The following ADAMTS3 variants were observed in gnomAD, a reference collection of about 807,000 sequenced individuals.
ADAMTS3 encodes ADAM metallopeptidase with thrombospondin type 1 motif 3, also known as A disintegrin and metalloproteinase with thrombospondin motifs 3.
Under a neutral mutation model 129.0 loss-of-function variants are expected in ADAMTS3, and 73 were observed. That is an observed-to-expected ratio of 0.57 (90% confidence interval 0.47 to 0.69). ADAMTS3 has a LOEUF of 0.69. Among genes scored for constraint, ADAMTS3 ranks in the 30% least tolerant of loss-of-function variants. ADAMTS3 has a pLI of 0.00. For missense variants in ADAMTS3, 1,457 were observed against 1,514.5 expected (o/e 0.96, Z 0.63); for synonymous variants, 477 against 510.8 (o/e 0.93, Z 0.89).
intron 4 of ADAMTS3, among the ~76,000 whole-genome samples, chr4:72,412,263 C>T (rs1170961274): frequency 2.6e-5 from 4 of 151,898 alleles, no homozygotes; most frequent in Admixed American, 2.0e-4. Context: ...TAAGAAAGAC[C>T]TCATATGTTT....
At chr4:72,485,645 T>C (rs533407464) in intron 3 of ADAMTS3, among the ~76,000 whole-genome samples, 1 of 152,196 alleles carries the variant, frequency 6.6e-6, no homozygotes, top group East Asian at 1.9e-4. Flanking sequence ...ACTTTTCTTT[T>C]CTCTCCTGAG....
At chr4:72,326,183 T>G (rs1028749674) in intron 5 of ADAMTS3, among the ~76,000 whole-genome samples, 4 of 152,086 alleles carry the variant, frequency 2.6e-5, no homozygotes, top group African/African-American at 4.8e-5. Flanking sequence ...TAAATTATTA[T>G]AGGTAGAAAT....
At chr4:72,464,334 T>C (rs180849945) in intron 3 of ADAMTS3, among the ~76,000 whole-genome samples, 1 of 151,916 alleles carries the variant, frequency 6.6e-6, no homozygotes, top group Non-Finnish European at 1.5e-5. Context: ...TGGTTATAGG[T>C]CTCCTCTGTT....
intron 18 of ADAMTS3, 44 bp downstream of exon 18, chr4:72,298,233 T>C (rs1718859040): frequency 6.5e-7 from 1 of 1,542,300 alleles, no homozygotes; most frequent in Non-Finnish European, 8.8e-7. Flanking sequence ...GATTGGTTTT[T>C]ATATGCATTA....
intron 4 of ADAMTS3, among the ~76,000 whole-genome samples, chr4:72,406,041 A>G (rs147284930): frequency 2.0e-3 from 298 of 152,258 alleles, no homozygotes; most frequent in Non-Finnish European, 2.9e-3. Context: ...GTGCAACAAG[A>G]ACAGCAATGT....
chr4:72,509,451 C>G (rs531908678), intron 3 of ADAMTS3, among the ~76,000 whole-genome samples: 2 of 150,162 alleles, frequency 1.3e-5, no homozygotes, highest in African/African-American at 5.0e-5. Flanking sequence ...ACAAATAGTG[C>G]AGAAATTCAA....
Position 72,395,129 on chromosome 4 carries a change from C to T in ADAMTS3, c.661+19686G>A, listed in dbSNP as rs540311525. Among the ~76,000 whole-genome samples, 6 of 152,096 alleles carry T rather than the reference C, an allele frequency of 3.9e-5. No homozygotes were observed. In the South Asian group the frequency reaches 8.3e-4, roughly 21 times the overall value. On this transcript the variant is annotated intron_variant, in intron 4 of 21. Transcript: ENST00000286657. Reference sequence around the variant, plus strand: ...TAGTAGAGATGGGGTTTCACCATGTCGATCAGGCTGGTCTCAAACTCCTGA... The same window carrying T: ...TAGTAGAGATGGGGTTTCACCATGTTGATCAGGCTGGTCTCAAACTCCTGA...
intron 2 of ADAMTS3, among the ~76,000 whole-genome samples, chr4:72,550,118 G>GAAGAAGAAGAAGAAGAAGAAGAAGAAGAA: frequency 7.0e-6 from 1 of 142,400 alleles, no homozygotes; most frequent in Admixed American, 7.0e-5. Context: ...AGAAGAAGAA[G>GAAGAAGAAGAAGAAGAAGAAGAAGAAGAA]GCATAGAAAG....
chr4:72,293,982 A>G (rs543841639), intron 19 of ADAMTS3, among the ~76,000 whole-genome samples: 4 of 152,174 alleles, frequency 2.6e-5, no homozygotes, highest in Admixed American at 6.6e-5. Flanking sequence ...ACAATGGACA[A>G]TAGGAGAGAA....
intron 3 of ADAMTS3, among the ~76,000 whole-genome samples, chr4:72,522,120 A>ATGG (rs1720690821): frequency 6.6e-6 from 1 of 152,190 alleles, no homozygotes; most frequent in Non-Finnish European, 1.5e-5. Context: ...AAGAAGATGA[A>ATGG]GCCCAAGGGA....
chr4:72,523,656 T>C (rs1720733030), intron 3 of ADAMTS3, among the ~76,000 whole-genome samples: 1 of 152,038 alleles, frequency 6.6e-6, no homozygotes, highest in Non-Finnish European at 1.5e-5. Context: ...CCTCTGTTAA[T>C]TCAAAAAATT....
chr4:72,452,308 TATA>T (rs1447185453), intron 3 of ADAMTS3, among the ~76,000 whole-genome samples: 2 of 150,714 alleles, frequency 1.3e-5, no homozygotes, highest in Non-Finnish European at 3.0e-5. Flanking sequence ...ATTAACATAA[TATA>T]ATATAAAATA....
intron 3 of ADAMTS3, among the ~76,000 whole-genome samples, chr4:72,419,356 G>A (rs1435020381): frequency 6.6e-6 from 1 of 152,172 alleles, no homozygotes; most frequent in Non-Finnish European, 1.5e-5. Context: ...AAGTTCTGAT[G>A]AAAAATTACA....
chr4:72,557,466 TCAC>T (rs1447089151), intron 2 of ADAMTS3, among the ~76,000 whole-genome samples: 1 of 151,896 alleles, frequency 6.6e-6, no homozygotes, highest in Non-Finnish European at 1.5e-5. Context: ...TAGGCTCTTA[TCAC>T]CACAAGTCCG....
At chr4:72,290,604 C>T (rs987864528) in intron 20 of ADAMTS3, among the ~76,000 whole-genome samples, 8 of 152,166 alleles carry the variant, frequency 5.3e-5, no homozygotes, top group Admixed American at 3.3e-4. Context: ...GGGAAGTCAA[C>T]AAAAATATTA....
chr4:72,508,016 A>T (rs1283689066), intron 3 of ADAMTS3, among the ~76,000 whole-genome samples: 2 of 152,234 alleles, frequency 1.3e-5, no homozygotes, highest in Non-Finnish European at 2.9e-5. Flanking sequence ...AGTAAAATGC[A>T]TAATAACATG....
intron 2 of ADAMTS3, 42 bp from the exon 3 acceptor site, chr4:72,548,926 G>A (rs1272322912): frequency 6.5e-7 from 1 of 1,546,652 alleles, no homozygotes; most frequent in Admixed American, 1.8e-5. Flanking sequence ...TGTACAATAA[G>A]AGAACACAGG....
At chr4:72,370,447 T>C (rs551375948) in intron 4 of ADAMTS3, among the ~76,000 whole-genome samples, 7 of 152,360 alleles carry the variant, frequency 4.6e-5, no homozygotes, top group African/African-American at 1.2e-4. Flanking sequence ...TTGCTTATTA[T>C]ATCTGCGCTG....
intron 3 of ADAMTS3, among the ~76,000 whole-genome samples, chr4:72,468,676 G>A (rs1386139276): frequency 6.6e-6 from 1 of 151,478 alleles, no homozygotes; most frequent in African/African-American, 2.4e-5. Context: ...AAATCCATCC[G>A]TTATTTCGAA....
Sources: allele counts gnomAD v4.1 joint callset (sites outside exome capture counted in the v4.1 genomes callset), GRCh38; gene constraint gnomAD v4.1.1; transcripts MANE v1.5; gene names NCBI Gene and HGNC (gene_info 2026-07-23, HGNC 2026-07-21).